The following NELL2 variants were observed in gnomAD, a reference collection of about 807,000 sequenced individuals.
NELL2 encodes the protein neural EGFL like 2, also known as protein kinase C-binding protein NELL2.
In NELL2, 41 loss-of-function variants were observed where a neutral mutation model predicts 109.6. That is an observed-to-expected ratio of 0.37 (90% confidence interval 0.29 to 0.49). The LOEUF is 0.49. Among genes scored for constraint, NELL2 ranks in the 20% least tolerant of loss-of-function variants. The probability of loss-of-function intolerance (pLI) is 0.98; values close to 1 mark genes in which losing one functional copy is unlikely to be tolerated. For missense variants in NELL2, 900 were observed against 1,008.3 expected, an observed-to-expected ratio of 0.89 and a Z score of 1.45; for synonymous variants, 355 against 344.7, an observed-to-expected ratio of 1.03 and a Z score of -0.33.
At chr12:44,720,931 C>T (rs755167084) in intron 9 of NELL2, among the ~76,000 whole-genome samples, 13 of 152,082 alleles carry the variant, frequency 8.5e-5, no homozygotes, top group Non-Finnish European at 1.5e-4. Flanking sequence ...GCTTATTCTT[C>T]CAAAAAGAGA....
intron 16 of NELL2, among the ~76,000 whole-genome samples, chr12:44,531,887 C>T (rs1057183765): frequency 1.2e-4 from 18 of 152,266 alleles, no homozygotes; most frequent in African/African-American, 3.4e-4. Flanking sequence ...GTTTCCCTGA[C>T]AATTATTCAT....
rs57903504 is a variant in NELL2, at chr12:44,741,566, G to A, written c.995-26825C>T. Among the ~76,000 whole-genome samples the A allele has an allele frequency of 8.5e-4, 130 of 152,350 alleles. 1 individual carries two copies. The highest frequency in any genetic ancestry group is 2.4e-3 in the African/African-American group (99 of 41,580). On this transcript the variant is annotated intron_variant, in intron 9 of 19. Transcript: ENST00000429094. ...TTCCCTTTCCTAGTCAAAGAAAGGG[G>A]TGACAGACGGCACCTGGAAAATTGG...
At chr12:44,851,413 C>T (rs1290215365) in intron 2 of NELL2, among the ~76,000 whole-genome samples, 2 of 152,012 alleles carry the variant, frequency 1.3e-5, no homozygotes, top group Non-Finnish European at 2.9e-5. Context: ...GTTCTAAAAC[C>T]TCAGACAAGC....
intron 3 of NELL2, among the ~76,000 whole-genome samples, chr12:44,811,202 C>T (rs1943163774): frequency 6.6e-6 from 1 of 151,776 alleles, no homozygotes; most frequent in East Asian, 1.9e-4. Context: ...GGAGGGAGAG[C>T]ATTAGGACAA....
intron 13 of NELL2, among the ~76,000 whole-genome samples, chr12:44,647,474 A>G (rs1947135248): frequency 6.6e-6 from 1 of 152,166 alleles, no homozygotes; most frequent in South Asian, 2.1e-4. Flanking sequence ...ATAAAGTCTG[A>G]AATAACATAT....
At chr12:44,890,179 G>C (rs1304710090) in intron 1 of NELL2, among the ~76,000 whole-genome samples, 1 of 152,112 alleles carries the variant, frequency 6.6e-6, no homozygotes, top group Non-Finnish European at 1.5e-5. Flanking sequence ...TTGGCCAAAG[G>C]CTGGAGCTGA....
chr12:44,914,484 T>C (rs935041458), upstream of NELL2, among the ~76,000 whole-genome samples: 11 of 152,188 alleles, frequency 7.2e-5, no homozygotes, highest in African/African-American at 2.7e-4. Flanking sequence ...CTTTTAAAAT[T>C]GCAAACCACC....
In NELL2 at chr12:44,724,682, A is replaced by C. The variant is rs1372403183; in HGVS notation, c.995-9941T>G. ...TATCATTAAAATGGCTACACAGCCCAAAGCAGTTTACATATTCAGTGGTAT... is the reference window on the plus strand; with the variant it reads ...TATCATTAAAATGGCTACACAGCCCCAAGCAGTTTACATATTCAGTGGTAT... On this transcript the variant is annotated intron_variant, in intron 9 of 19. Coordinates refer to ENST00000429094, the MANE Select transcript of NELL2 (RefSeq NM_001145108.2). Among the ~76,000 whole-genome samples the C allele has an allele frequency of 2.0e-5, 3 of 152,232 alleles. No individual in the cohort carries two copies. In the East Asian group the frequency reaches 5.8e-4, roughly 29 times the overall value.
intron 15 of NELL2, among the ~76,000 whole-genome samples, chr12:44,548,913 T>G (rs977756669): frequency 6.6e-6 from 1 of 152,204 alleles, no homozygotes; most frequent in Non-Finnish European, 1.5e-5. Context: ...TAAATTGCCT[T>G]TATTTATTCC....
intron 3 of NELL2, among the ~76,000 whole-genome samples, chr12:44,797,184 A>G (rs1184611586): frequency 3.3e-5 from 5 of 152,174 alleles, no homozygotes; most frequent in Admixed American, 6.6e-5. Flanking sequence ...CTTAATGCTT[A>G]GCTTTCTCAT....
chr12:44,560,565 A>C (rs1221282598), intron 15 of NELL2, among the ~76,000 whole-genome samples: 1 of 152,206 alleles, frequency 6.6e-6, no homozygotes, highest in Non-Finnish European at 1.5e-5. Context: ...TATGCAAATA[A>C]ACTAGAAAAT....
chr12:44,897,462 C>A (rs192604449), intron 1 of NELL2, among the ~76,000 whole-genome samples: 16 of 152,068 alleles, frequency 1.1e-4, no homozygotes, highest in African/African-American at 2.9e-4. Flanking sequence ...GTGCAGCCCA[C>A]GGAGGGCAAG....
At chr12:44,556,994 T>A (rs536575475) in intron 15 of NELL2, among the ~76,000 whole-genome samples, 1 of 152,274 alleles carries the variant, frequency 6.6e-6, no homozygotes, top group East Asian at 1.9e-4. Flanking sequence ...TTAGATATTA[T>A]CCTGAAAGCA....
intron 9 of NELL2, among the ~76,000 whole-genome samples, chr12:44,718,876 G>A (rs1938621813): frequency 6.6e-6 from 1 of 152,098 alleles, no homozygotes; most frequent in African/African-American, 2.4e-5. Context: ...CATAACTCCA[G>A]GCAGTGCATT....
intron 12 of NELL2, among the ~76,000 whole-genome samples, chr12:44,668,019 G>C (rs1023512601): frequency 2.0e-5 from 3 of 152,106 alleles, no homozygotes; most frequent in Non-Finnish European, 4.4e-5. Flanking sequence ...GTGCAGTTTT[G>C]AGAGGCCATC....
rs1340073127 is a variant in NELL2, at chr12:44,599,901, G to A, written c.1663+7268C>T. ...CAGACTTCTGAACAGAAACCTCAGA[G>A]GCCCCCCAAAAACAATGGAATACTG... On this transcript the variant is annotated intron_variant, in intron 15 of 19. Coordinates refer to ENST00000429094, the MANE Select transcript of NELL2 (RefSeq NM_001145108.2). 7.3e-5 allele frequency among the ~76,000 whole-genome samples: 11 copies of A among 150,666 alleles called. No homozygotes were observed. In the East Asian group the frequency reaches 2.1e-3, roughly 29 times the overall value.
chr12:44,527,629 C>G (rs1048308491), intron 16 of NELL2, among the ~76,000 whole-genome samples: 2 of 152,102 alleles, frequency 1.3e-5, no homozygotes, highest in African/African-American at 4.8e-5. Context: ...TTCTTTCCCC[C>G]AGCAACAGAA....
intron 3 of NELL2, among the ~76,000 whole-genome samples, chr12:44,808,016 T>A (rs955439579): frequency 6.6e-6 from 1 of 152,094 alleles, no homozygotes; most frequent in African/African-American, 2.4e-5. Flanking sequence ...TAACTGGATA[T>A]GGTCAGAATA....
chr12:44,755,510 C>T (rs758009332), intron 9 of NELL2, among the ~76,000 whole-genome samples: 1 of 151,594 alleles, frequency 6.6e-6, no homozygotes, highest in Admixed American at 6.6e-5. Flanking sequence ...ACCTATCCTG[C>T]ACCCTGGCCT....
Sources: allele counts gnomAD v4.1 joint callset (sites outside exome capture counted in the v4.1 genomes callset), GRCh38; gene constraint gnomAD v4.1.1; transcripts MANE v1.5; gene names NCBI Gene and HGNC (gene_info 2026-07-23, HGNC 2026-07-21).